The following DLG2 variants were observed in gnomAD, a reference collection of about 807,000 sequenced individuals.
DLG2 encodes discs large MAGUK scaffold protein 2.
Under a neutral mutation model 132.5 loss-of-function variants are expected in DLG2, and 45 were observed. That is an observed-to-expected ratio of 0.34 (90% CI 0.27 to 0.44). The LOEUF is 0.44. DLG2 is among the 20% of genes least tolerant of loss of function. The pLI is 1.00. For missense variants in DLG2, 1,045 were observed against 1,196.9 expected, an observed-to-expected ratio of 0.87 and a Z score of 1.87; for synonymous variants, 424 against 419.6, an observed-to-expected ratio of 1.01 and a Z score of -0.13.
chr11:85,061,841 A>G (rs1440994794), intron 6 of DLG2, among the ~76,000 whole-genome samples: 2 of 151,914 alleles, frequency 1.3e-5, no homozygotes, highest in Non-Finnish European at 2.9e-5. Context: ...AACTTTGCCA[A>G]CAGTCTTGCT....
chr11:83,706,389 G>C (rs761713194), intron 18 of DLG2, among the ~76,000 whole-genome samples: 1 of 152,048 alleles, frequency 6.6e-6, no homozygotes, highest in African/African-American at 2.4e-5. Flanking sequence ...GACATGTTAA[G>C]GCAGCGGCTG....
At chr11:83,799,185 T>C (rs2043662581) in intron 17 of DLG2, among the ~76,000 whole-genome samples, 1 of 152,248 alleles carries the variant, frequency 6.6e-6, no homozygotes, top group South Asian at 2.1e-4. Context: ...TCACATTCAA[T>C]GTTGAATTGT....
chr11:85,357,648 A>T (rs543931672), intron 3 of DLG2, among the ~76,000 whole-genome samples: 2 of 141,036 alleles, frequency 1.4e-5, no homozygotes, highest in Non-Finnish European at 3.0e-5. Context: ...TCTTGTAAGA[A>T]TTTGGAGGCT....
At chr11:85,529,167 T>C (rs907479554) in intron 3 of DLG2, among the ~76,000 whole-genome samples, 3 of 152,198 alleles carry the variant, frequency 2.0e-5, no homozygotes, top group Non-Finnish European at 2.9e-5. Context: ...ATATCCCTCA[T>C]TCCTGCTTTG....
At chr11:85,460,003 G>A (rs1392783631) in intron 3 of DLG2, among the ~76,000 whole-genome samples, 2 of 152,194 alleles carry the variant, frequency 1.3e-5, no homozygotes, top group Non-Finnish European at 2.9e-5. Flanking sequence ...TATATTGGCA[G>A]GGGCTGACAG....
intron 18 of DLG2, among the ~76,000 whole-genome samples, chr11:83,747,296 C>CTTCCTTCA: frequency 2.1e-5 from 3 of 145,772 alleles, no homozygotes; most frequent in Admixed American, 1.4e-4. Flanking sequence ...TCCTTCCTTC[C>CTTCCTTCA]TTCCTTCCTT....
chr11:84,008,768 G>C (rs1395379141), intron 11 of DLG2, among the ~76,000 whole-genome samples: 1 of 151,852 alleles, frequency 6.6e-6, no homozygotes, highest in African/African-American at 2.4e-5. Context: ...CCTTTGGGTA[G>C]AGGTAAAACA....
At chr11:83,874,940 C>T (rs1056673020) in intron 15 of DLG2, among the ~76,000 whole-genome samples, 6 of 151,862 alleles carry the variant, frequency 4.0e-5, no homozygotes, top group African/African-American at 1.5e-4. Context: ...TAATTTTTTG[C>T]CCTTGGAATG....
chr11:83,745,165 A>T (rs2092814419), intron 18 of DLG2, among the ~76,000 whole-genome samples: 1 of 152,164 alleles, frequency 6.6e-6, no homozygotes, highest in Non-Finnish European at 1.5e-5. Flanking sequence ...TAAACCCCTC[A>T]TATATTCTCA....
intron 6 of DLG2, among the ~76,000 whole-genome samples, chr11:84,697,028 TAGA>T (rs1211241681): frequency 6.6e-6 from 1 of 151,256 alleles, no homozygotes; most frequent in Non-Finnish European, 1.5e-5. Flanking sequence ...CTAAGGGAAA[TAGA>T]GGAGTTAACA....
At chr11:84,870,247 C>T (rs909489311) in intron 6 of DLG2, among the ~76,000 whole-genome samples, 1 of 152,060 alleles carries the variant, frequency 6.6e-6, no homozygotes. Context: ...TATCCAGCCC[C>T]GGGAAGAGCG....
intron 3 of DLG2, among the ~76,000 whole-genome samples, chr11:85,343,419 T>C (rs2082627651): frequency 6.6e-6 from 1 of 152,190 alleles, no homozygotes; most frequent in Admixed American, 6.5e-5. Flanking sequence ...TGGTCCAGGA[T>C]TGTGACCTGT....
chr11:84,233,569 C>G (rs2097122531), intron 8 of DLG2, among the ~76,000 whole-genome samples: 1 of 152,134 alleles, frequency 6.6e-6, no homozygotes. Flanking sequence ...ATAGCTCAGG[C>G]AGAGAACCTG....
intron 19 of DLG2, among the ~76,000 whole-genome samples, chr11:83,595,255 A>C (rs1277930310): frequency 1.3e-5 from 2 of 152,208 alleles, no homozygotes; most frequent in African/African-American, 4.8e-5. Context: ...ACTATTAATG[A>C]AGGCATTAAG....
rs1299329510 is a variant in DLG2 at position 85,021,771 on chromosome 11, A to T, written c.357+89890T>A. ...TCTGAGTCTCCTACTCCTGGGTTCT[A>T]CGTGGAGAACCTGACTGCTGCTCGA... is the stretch of plus-strand genomic sequence containing the variant. On this transcript the variant is annotated intron_variant, in intron 6 of 27. Transcript: ENST00000376104. The T allele has an allele frequency of 2.7e-5, 15 of 554,992 alleles. No homozygotes were observed. In the East Asian group the frequency reaches 5.2e-4, roughly 19 times the overall value. 34.4% of individuals were successfully genotyped at this position (554,992 alleles called of 1,614,324 possible).
At chr11:83,800,345 G>A (rs2044019821) in intron 17 of DLG2, among the ~76,000 whole-genome samples, 1 of 152,160 alleles carries the variant, frequency 6.6e-6, no homozygotes, top group African/African-American at 2.4e-5. Context: ...TGCTCAAAAT[G>A]TATTTTGTTG....
At chr11:84,442,771 G>A (rs939762658) in intron 7 of DLG2, among the ~76,000 whole-genome samples, 1 of 151,980 alleles carries the variant, frequency 6.6e-6, no homozygotes, top group Non-Finnish European at 1.5e-5. Context: ...ACAAATGTAT[G>A]ATGCTCAGGG....
rs1407603068 is a variant in DLG2 at position 83,928,617 on chromosome 11, A to C, written c.1496+1711T>G. ...GGGGGGAAATTTTTTTCCAGTGAGC[A>C]AAAATGGCTAATGGTCTGCCAGGTC... On this transcript the variant is annotated intron_variant, in intron 15 of 27. Transcript: ENST00000376104. Among the ~76,000 whole-genome samples, 5 of 152,250 alleles carry C rather than the reference A, an allele frequency of 3.3e-5. No homozygotes were observed. In the East Asian group the frequency reaches 9.6e-4, roughly 29 times the overall value.
intron 9 of DLG2, among the ~76,000 whole-genome samples, chr11:84,144,744 T>A (rs971163517): frequency 3.9e-5 from 6 of 152,206 alleles, no homozygotes; most frequent in African/African-American, 1.4e-4. Context: ...GTCTTGTCAC[T>A]GTGTAAGGAC....
Sources: allele counts gnomAD v4.1 joint callset (sites outside exome capture counted in the v4.1 genomes callset), GRCh38; gene constraint gnomAD v4.1.1; transcripts MANE v1.5; gene names NCBI Gene and HGNC (gene_info 2026-07-23, HGNC 2026-07-21).